ANXA4: variants seen among roughly 807,000 people sequenced by gnomAD.
ANXA4 encodes 35-beta calcimedin.
ANXA4 carries 39 observed loss-of-function variants against 49.8 expected under a neutral mutation model. That is an observed-to-expected ratio of 0.78 (90% confidence interval 0.61 to 1.02). ANXA4 has a LOEUF of 1.02. Among genes scored for constraint, ANXA4 ranks in the 50% least tolerant of loss-of-function variants. The pLI is 0.00. For synonymous variants in ANXA4, 134 were observed against 152.5 expected (o/e 0.88, Z 0.89); for missense variants, 360 against 410.1 (o/e 0.88, Z 1.05).
upstream of ANXA4, among the ~76,000 whole-genome samples, chr2:69,737,310 T>A (rs1670270668): frequency 6.6e-6 from 1 of 152,224 alleles, no homozygotes; most frequent in South Asian, 2.1e-4. Flanking sequence ...CATTGCACTA[T>A]GCTCAGTGAG....
intron 2 of ANXA4, among the ~76,000 whole-genome samples, chr2:69,705,605 C>T (rs756745331): frequency 6.6e-6 from 1 of 152,144 alleles, no homozygotes; most frequent in Admixed American, 6.5e-5. Flanking sequence ...TTAACACTTT[C>T]GATTTTATAA....
intron 3 of ANXA4, among the ~76,000 whole-genome samples, chr2:69,797,338 G>A (rs998655681): frequency 3.3e-5 from 5 of 152,128 alleles, no homozygotes; most frequent in Non-Finnish European, 5.9e-5. Context: ...ATGGTTGCAG[G>A]TGTGACCCCC....
At chr2:69,806,205 G>C (rs1673435484) in intron 4 of ANXA4, among the ~76,000 whole-genome samples, 180 bp from the exon 5 acceptor site, 1 of 152,190 alleles carries the variant, frequency 6.6e-6, no homozygotes. Flanking sequence ...CCCACTGTAT[G>C]CTTGTGGAAG....
chr2:69,757,330 G>T (rs1009729557), intron 1 of ANXA4, among the ~76,000 whole-genome samples: 1 of 132,464 alleles, frequency 7.5e-6, no homozygotes, highest in Non-Finnish European at 1.6e-5. Context: ...GAGTGCAGTC[G>T]CATGATCTCG....
chr2:69,646,796 T>C (rs1470285393), intron 1 of ANXA4, among the ~76,000 whole-genome samples: 1 of 152,194 alleles, frequency 6.6e-6, no homozygotes, highest in Non-Finnish European at 1.5e-5. Flanking sequence ...ATTGAATCAA[T>C]TGTAGCTCAC....
chr2:69,806,451 AC>A lies in ANXA4; in HGVS notation c.260del (p.Thr87SerfsTer15), dbSNP rs1190446341. ...CGAGCAGGTGATTGTGGGGATGATGACGCCCACGGTGCTGTATGACGTGCAA... is the reference window on the plus strand; with the variant it reads ...CGAGCAGGTGATTGTGGGGATGATGAGCCCACGGTGCTGTATGACGTGCAA... ...NFEQVIVGMMTPTVLYDVQEL... is the reference protein window; with the variant it reads ...NFEQVIVGMMXPTVLYDVQEL... On this transcript the variant is annotated frameshift_variant, in exon 5 of 13. Coordinates refer to ENST00000394295, the MANE Select transcript of ANXA4 (RefSeq NM_001153.5). LOFTEE classifies it high-confidence loss of function. The A allele has an allele frequency of 6.2e-7, 1 of 1,613,982 alleles. No individual in the cohort carries two copies. The highest frequency in any genetic ancestry group is 2.2e-5 in the East Asian group (1 of 44,896).
intron 3 of ANXA4, among the ~76,000 whole-genome samples, chr2:69,730,648 A>G (rs540436863): frequency 1.1e-3 from 163 of 152,308 alleles, no homozygotes; most frequent in Middle Eastern, 6.8e-3. Flanking sequence ...CATGGCCCCT[A>G]TGCGACTTGG....
intron 2 of ANXA4, among the ~76,000 whole-genome samples, chr2:69,784,640 C>T (rs1056814152): frequency 6.6e-6 from 1 of 152,236 alleles, no homozygotes; most frequent in Non-Finnish European, 1.5e-5. Context: ...AACCTAATAG[C>T]ACAAACTGGA....
intron 2 of ANXA4, among the ~76,000 whole-genome samples, chr2:69,653,882 C>G (rs1239902061): frequency 6.6e-6 from 1 of 152,152 alleles, no homozygotes. Flanking sequence ...GGCAGTATGA[C>G]CATTTTCACA....
chr2:69,733,613 G>GAA (rs765187064), intron 3 of ANXA4, among the ~76,000 whole-genome samples: 19 of 119,878 alleles, frequency 1.6e-4, no homozygotes, highest in African/African-American at 4.9e-4. Context: ...CCCTGTCTTA[G>GAA]AAAAAAAAAA....
intron 1 of ANXA4, among the ~76,000 whole-genome samples, chr2:69,755,249 A>G (rs533482091): frequency 5.9e-5 from 9 of 152,344 alleles, no homozygotes; most frequent in African/African-American, 2.2e-4. Context: ...ATGATAGAAG[A>G]GATCTAGGAA....
chr2:69,719,260 CTTT>C lies in ANXA4; in HGVS notation n.767-1490_767-1488del, dbSNP rs1192269262. Among the ~76,000 whole-genome samples the C allele has an allele frequency of 7.0e-3, 465 of 66,502 alleles. 1 individual carries two copies. Among genetic ancestry groups the C allele is most frequent in the African/African-American group, 0.037 (435 of 11,844 alleles). The allele number at this position is 66,502 out of a possible 152,430, so 43.6% of individuals were successfully genotyped here. Reference sequence around the variant, plus strand: ...TTCTAACCATTGACTATTTTCCAGTCTTTTTTTTTTTTTTTTTTTTTTTTTTGA... The same window carrying C: ...TTCTAACCATTGACTATTTTCCAGTCTTTTTTTTTTTTTTTTTTTTTTTGA... On this transcript the variant is annotated intron_variant and non_coding_transcript_variant, in intron 2 of 3. Transcript: ENST00000418066.
At chr2:69,804,754 A>T in intron 4 of ANXA4, 127 bp downstream of exon 4, 1 of 871,360 alleles carries the variant, frequency 1.1e-6, no homozygotes, top group Non-Finnish European at 1.8e-6. Flanking sequence ...TTGTTTAAAG[A>T]TGTTCTTGAG....
chr2:69,719,400 C>T (rs186929617), intron 2 of ANXA4, among the ~76,000 whole-genome samples: 1 of 150,606 alleles, frequency 6.6e-6, no homozygotes, highest in Non-Finnish European at 1.5e-5. Flanking sequence ...GTAGCTGGGA[C>T]TACAGGTATG....
At chr2:69,812,351 T>C (rs1415674045) in intron 7 of ANXA4, among the ~76,000 whole-genome samples, 6 of 151,092 alleles carry the variant, frequency 4.0e-5, no homozygotes, top group Non-Finnish European at 3.0e-5. Flanking sequence ...CACAGGAGAG[T>C]GGGGTGGTGG....
At chr2:69,737,104 ACT>A (rs1670265662), upstream of ANXA4, among the ~76,000 whole-genome samples, 4 of 152,076 alleles carry the variant, frequency 2.6e-5, no homozygotes, top group South Asian at 8.3e-4. Flanking sequence ...CACCCAGCCT[ACT>A]CTCAGCATTT....
intron 2 of ANXA4, among the ~76,000 whole-genome samples, chr2:69,655,121 A>C (rs1448527052): frequency 2.0e-5 from 3 of 152,250 alleles, no homozygotes; most frequent in Non-Finnish European, 2.9e-5. Flanking sequence ...GCCTGGGTAA[A>C]GACTTCATGA....
rs192668572 is a variant in ANXA4 at position 69,766,879 on chromosome 2, T to G, written c.-46-14641T>G. Among the ~76,000 whole-genome samples, 66 of 152,302 alleles carry G rather than the reference T, an allele frequency of 4.3e-4. No homozygotes were observed. The Middle Eastern group carries it at 0.017, about 39-fold the overall frequency. On this transcript the variant is annotated intron_variant, in intron 1 of 12. Transcript: ENST00000394295. ...GGGGTGGGTCTGATGCGCTCTAAAG[T>G]CTTTTCTACCCTAACAATCCAATCT...
At chr2:69,680,651 GC>G (rs1464128327) in intron 2 of ANXA4, among the ~76,000 whole-genome samples, 1 of 152,064 alleles carries the variant, frequency 6.6e-6, no homozygotes, top group African/African-American at 2.4e-5. Context: ...GTCCTATATG[GC>G]CTTTAGTATG....
Sources: allele counts gnomAD v4.1 joint callset (sites outside exome capture counted in the v4.1 genomes callset), GRCh38; gene constraint gnomAD v4.1.1; transcripts MANE v1.5; gene names NCBI Gene and HGNC (gene_info 2026-07-23, HGNC 2026-07-21).